The following LMF1 variants were observed in gnomAD, a reference collection of about 807,000 sequenced individuals.
LMF1 encodes the protein lipase maturation factor 1, also known as transmembrane protein 112.
Under a neutral mutation model 60.6 loss-of-function variants are expected in LMF1, and 68 were observed. The observed-to-expected ratio is 1.12, with a 90% confidence interval of 0.92 to 1.37. The LOEUF (loss-of-function observed/expected upper bound fraction) is 1.37, where lower values mean the gene tolerates loss of function less well. Ranked by LOEUF, LMF1 falls within the 40% of genes most tolerant of loss-of-function variation. LMF1 has a pLI of 0.00. For synonymous variants in LMF1, 418 were observed against 324.7 expected, an observed-to-expected ratio of 1.29 and a Z score of -3.09; for missense variants, 948 against 767.2, an observed-to-expected ratio of 1.24 and a Z score of -2.78.
At chr16:979,165 AC>A in intron 1 of LMF1, 1 of 439,014 alleles carries the variant, frequency 2.3e-6, no homozygotes, top group Non-Finnish European at 4.6e-6. Flanking sequence ...CCATCCCGAC[AC>A]CTCCCTCTCT....
chr16:973,854 A>G (rs1264655499), upstream of LMF1, among the ~76,000 whole-genome samples: 2 of 151,852 alleles, frequency 1.3e-5, no homozygotes, highest in African/African-American at 4.8e-5. Flanking sequence ...CAACAACAAC[A>G]ACAAAATTAG....
chr16:930,046 T>G, intron 3 of LMF1, among the ~76,000 whole-genome samples: 1 of 136,770 alleles, frequency 7.3e-6, no homozygotes, highest in African/African-American at 2.8e-5. Flanking sequence ...CACAGGGCCC[T>G]GGGACAGAGC....
intron 3 of LMF1, among the ~76,000 whole-genome samples, chr16:917,378 G>A (rs1173703781): frequency 1.8e-5 from 2 of 108,174 alleles, no homozygotes; most frequent in Non-Finnish European, 3.6e-5. Flanking sequence ...AATGCCACAC[G>A]TGTGCGCTGC....
intron 1 of LMF1, chr16:976,983 C>T (rs2073166366): frequency 4.4e-6 from 2 of 453,820 alleles, no homozygotes; most frequent in African/African-American, 2.0e-5. Flanking sequence ...AAATGCTCGT[C>T]CTCCGTGGAG....
intron 4 of LMF1, among the ~76,000 whole-genome samples, chr16:898,037 C>T (rs1424575652): frequency 6.6e-6 from 1 of 152,236 alleles, no homozygotes; most frequent in African/African-American, 2.4e-5. Context: ...CGCCTCTGGG[C>T]CACTTCATGC....
intron 3 of LMF1, among the ~76,000 whole-genome samples, chr16:921,625 C>T (rs1354226316): frequency 6.6e-6 from 1 of 152,162 alleles, no homozygotes; most frequent in Non-Finnish European, 1.5e-5. Context: ...TGATGGGGCT[C>T]GTGCAAGTTC....
At chr16:929,319 G>A (rs1223830209) in intron 3 of LMF1, among the ~76,000 whole-genome samples, 1 of 152,230 alleles carries the variant, frequency 6.6e-6, no homozygotes, top group Non-Finnish European at 1.5e-5. Context: ...TACAGAACCA[G>A]GTGCTAGGCA....
In LMF1 at chr16:874,297, T is replaced by C. The variant is rs1189933618; in HGVS notation, c.898-2956A>G. ...GGGGCTGGCAGGGCCTCCGGGCCTCTGTCTTGAGCGGGCGTGGGGTGCAGC... is the reference window on the plus strand; with the variant it reads ...GGGGCTGGCAGGGCCTCCGGGCCTCCGTCTTGAGCGGGCGTGGGGTGCAGC... On this transcript the variant is annotated intron_variant, in intron 6 of 10. Transcript: ENST00000262301. The surrounding 1 kb of genome is among the most constrained non-coding windows in gnomAD (Gnocchi z 4.1). Among the ~76,000 whole-genome samples, 1 of 150,780 alleles carries C rather than the reference T, an allele frequency of 6.6e-6. No homozygotes were observed. Among genetic ancestry groups the C allele is most frequent in the Non-Finnish European group, 1.5e-5 (1 of 67,654 alleles).
chr16:970,892 G>C lies in LMF1; in HGVS notation c.89C>G (p.Pro30Arg), dbSNP rs755509622. ...TGYSDPEPESPPAPGRGPAGS... is the reference protein window; with the variant it reads ...TGYSDPEPESRPAPGRGPAGS... The stretch of plus-strand genomic sequence containing the variant: ...TGCGGGGCCACGCCCCGGCGCGGGC[G>C]GCGACTCAGGCTCCGGATCCGAGTA... The change falls in exon 1 of 11, where the codon CCG becomes CGG. Residue 30 changes from proline to arginine, a missense_variant. By Grantham distance (103) the Pro-to-Arg change is moderately radical (BLOSUM62 -2). Coordinates refer to ENST00000262301, the MANE Select transcript of LMF1 (RefSeq NM_022773.4). 1 of 1,576,464 alleles carries C rather than the reference G, an allele frequency of 6.3e-7. No individual in the cohort carries two copies. The highest frequency in any genetic ancestry group is 8.6e-7 in the Non-Finnish European group (1 of 1,163,462).
At chr16:860,599 C>T (rs931435067) in intron 10 of LMF1, among the ~76,000 whole-genome samples, 9 of 152,152 alleles carry the variant, frequency 5.9e-5, no homozygotes, top group African/African-American at 2.2e-4. Flanking sequence ...CCTTGGCCTC[C>T]CAAAGTGCTG....
At chr16:921,461 C>T (rs12596535) in intron 3 of LMF1, among the ~76,000 whole-genome samples, 5,302 of 152,224 alleles carry the variant, frequency 0.035, 119 homozygotes, top group East Asian at 0.094. Context: ...AAGCCAAACC[C>T]CCCGGCGGAG....
intron 5 of LMF1, among the ~76,000 whole-genome samples, chr16:880,802 C>T (rs1401457952): frequency 6.6e-6 from 1 of 152,264 alleles, no homozygotes; most frequent in Non-Finnish European, 1.5e-5. Flanking sequence ...TCCAGAGTGG[C>T]ACTGCCAGGG....
rs559698336 is a variant in LMF1, at chr16:882,970, G to C, written c.730-3233C>G. 2.1e-5 allele frequency among the ~76,000 whole-genome samples: 3 copies of C among 144,692 alleles called. No homozygotes were observed. In the East Asian group the frequency reaches 6.2e-4, roughly 30 times the overall value. The allele number at this position is 144,692 out of a possible 152,430, so 94.9% of individuals were successfully genotyped here. A position where few individuals can be genotyped will look rare whatever the true frequency, so the allele number is the denominator to read the frequency against. On this transcript the variant is annotated intron_variant, in intron 5 of 10. Coordinates refer to ENST00000262301, the MANE Select transcript of LMF1 (RefSeq NM_022773.4). ...CACAGGACCAGGAGAAAGAGGAGCT[G>C]CTCAGCAGAAGAGCTGCCCGGCAGA...
intron 4 of LMF1, among the ~76,000 whole-genome samples, chr16:909,656 A>G (rs573073149): frequency 1.3e-5 from 2 of 152,246 alleles, no homozygotes; most frequent in East Asian, 3.9e-4. Flanking sequence ...AACCACGTGG[A>G]GTCATCGCTT....
rs1241745805 is a variant in LMF1 at position 878,348 on chromosome 16, C to G, written c.897+1222G>C. ...TCCAAGCAGCTAACGCGGAAAAGCC[C>G]GAGGGAGTCAGGAGCTGCTCAGGGC... On this transcript the variant is annotated intron_variant, in intron 6 of 10. Transcript: ENST00000262301. The surrounding 1 kb of genome is among the most constrained non-coding windows in gnomAD (Gnocchi z 5.2). 6.6e-6 allele frequency among the ~76,000 whole-genome samples: 1 copy of G among 152,076 alleles called. No individual in the cohort carries two copies. Among genetic ancestry groups the G allele is most frequent in the African/African-American group, 2.4e-5 (1 of 41,396 alleles).
intron 5 of LMF1, among the ~76,000 whole-genome samples, chr16:889,414 A>AT (rs1349209476): frequency 6.7e-6 from 1 of 149,294 alleles, no homozygotes; most frequent in East Asian, 1.9e-4. Context: ...GTGGATGGCC[A>AT]TGGTGGAGCA....
intron 10 of LMF1, chr16:855,392 C>T (rs747079735): frequency 2.3e-5 from 8 of 341,962 alleles, no homozygotes; most frequent in East Asian, 2.3e-4. Context: ...TATAAGGTCC[C>T]GCCTGACCCC....
intron 5 of LMF1, among the ~76,000 whole-genome samples, chr16:891,950 G>A (rs1049775194): frequency 6.6e-6 from 1 of 152,252 alleles, no homozygotes; most frequent in Non-Finnish European, 1.5e-5. Context: ...CCTGCTCTCG[G>A]ACAAAGAGAG....
At chr16:912,107 C>T (rs2071139884) in intron 3 of LMF1, among the ~76,000 whole-genome samples, 1 of 152,172 alleles carries the variant, frequency 6.6e-6, no homozygotes, top group South Asian at 2.1e-4. Flanking sequence ...TCTGAGGATG[C>T]TGGATGGGAC....
Sources: allele counts gnomAD v4.1 joint callset (sites outside exome capture counted in the v4.1 genomes callset), GRCh38; gene constraint gnomAD v4.1.1; non-coding constraint Gnocchi (gnomAD v3.1); transcripts MANE v1.5; gene names NCBI Gene and HGNC (gene_info 2026-07-23, HGNC 2026-07-21).